RIPOR3: variants seen among roughly 807,000 people sequenced by gnomAD.
RIPOR3 encodes family with sequence similarity 65 member C.
A neutral mutation model predicts 114.3 loss-of-function variants in RIPOR3; 95 were observed. That is an observed-to-expected ratio of 0.83 (90% CI 0.70 to 0.99). The LOEUF is 0.99. Among genes scored for constraint, RIPOR3 ranks in the 50% least tolerant of loss-of-function variants. The probability of loss-of-function intolerance (pLI) is 0.00; values close to 1 mark genes in which losing one functional copy is unlikely to be tolerated. For missense variants in RIPOR3, 1,252 were observed against 1,266.9 expected (o/e 0.99, Z 0.18); for synonymous variants, 575 against 543.8 (o/e 1.06, Z -0.80).
At chr20:50,654,789 A>T (rs926426558) in intron 1 of RIPOR3, among the ~76,000 whole-genome samples, 11 of 152,014 alleles carry the variant, frequency 7.2e-5, no homozygotes, top group African/African-American at 2.7e-4. Flanking sequence ...TCTTTTGCCT[A>T]GGCTGGTGTA....
chr20:50,606,976 C>T (rs2083746251), intron 11 of RIPOR3, among the ~76,000 whole-genome samples: 1 of 152,156 alleles, frequency 6.6e-6, no homozygotes, highest in African/African-American at 2.4e-5. Flanking sequence ...GTGATCTGCC[C>T]ACCTACGCCT....
intron 1 of RIPOR3, among the ~76,000 whole-genome samples, chr20:50,647,090 C>T (rs567587126): frequency 7.6e-4 from 115 of 152,208 alleles, no homozygotes; most frequent in African/African-American, 2.5e-3. Context: ...GAGGCCGAGG[C>T]GGACGGATCA....
At position 50,592,398 on chromosome 20, in the gene RIPOR3, C is replaced by A. The variant is rs746163820; in HGVS notation, c.2523G>T (p.Arg841Ser). The A allele has an allele frequency of 1.9e-6, 3 of 1,609,430 alleles. No individual in the cohort carries two copies. Among genetic ancestry groups the A allele is most frequent in the Non-Finnish European group, 2.5e-6 (3 of 1,176,978 alleles). The change falls in exon 19 of 22, where the codon AGG becomes AGT. Residue 841 changes from arginine to serine, a missense_variant. Transcript: ENST00000327979. The stretch of plus-strand genomic sequence containing the variant: ...CACCAGCCAGGCGAGCGCTGGCCGC[C>A]CTGCACACCCTCGGAGTGCCGTCCA... ...LQLDGTPRVC[R>S]AASARLAGAV...
chr20:50,597,988 G>A (rs556710380), intron 13 of RIPOR3, among the ~76,000 whole-genome samples: 1 of 152,338 alleles, frequency 6.6e-6, no homozygotes, highest in East Asian at 1.9e-4. Context: ...CACCCACGGG[G>A]ACAAGGCCAA....
chr20:50,609,404 C>T (rs375915151), intron 7 of RIPOR3, 48 bp from the exon 8 acceptor site: 19 of 1,598,960 alleles, frequency 1.2e-5, no homozygotes, highest in African/African-American at 5.4e-5. Context: ...GGCTAGGCCA[C>T]GAGGGCCTCT....
intron 1 of RIPOR3, among the ~76,000 whole-genome samples, chr20:50,676,964 C>T (rs1263519415): frequency 6.6e-6 from 1 of 152,172 alleles, no homozygotes; most frequent in Non-Finnish European, 1.5e-5. Flanking sequence ...CTGCGTGCAC[C>T]GCATTGTGCC....
At chr20:50,639,229 G>A (rs372755139) in intron 1 of RIPOR3, among the ~76,000 whole-genome samples, 124 of 151,272 alleles carry the variant, frequency 8.2e-4, no homozygotes, top group African/African-American at 2.7e-3. Flanking sequence ...GTGACAGAGC[G>A]AGACTCCAAC....
intron 11 of RIPOR3, among the ~76,000 whole-genome samples, chr20:50,606,811 C>G (rs2123034102): frequency 6.6e-6 from 1 of 152,118 alleles, no homozygotes; most frequent in East Asian, 1.9e-4. Flanking sequence ...CTCACTGCAG[C>G]CTCCGCCTCC....
chr20:50,606,856 A>G (rs1477747216), intron 11 of RIPOR3, among the ~76,000 whole-genome samples: 1 of 151,886 alleles, frequency 6.6e-6, no homozygotes, highest in Non-Finnish European at 1.5e-5. Flanking sequence ...CAGCCTCCCA[A>G]GTAGCTGAAA....
chr20:50,598,534 A>G (rs953123981), intron 13 of RIPOR3, among the ~76,000 whole-genome samples: 12 of 152,216 alleles, frequency 7.9e-5, no homozygotes, highest in African/African-American at 2.9e-4. Flanking sequence ...GACGAAGGGA[A>G]TAACAAGGCT....
intron 20 of RIPOR3, among the ~76,000 whole-genome samples, chr20:50,589,161 G>A (rs924088349): frequency 4.1e-5 from 6 of 146,868 alleles, no homozygotes; most frequent in Non-Finnish European, 8.9e-5. Flanking sequence ...TTTGTTGACT[G>A]TTTTTAAACT....
intron 1 of RIPOR3, among the ~76,000 whole-genome samples, chr20:50,683,126 C>T (rs567177997): frequency 1.2e-4 from 19 of 152,248 alleles, no homozygotes; most frequent in East Asian, 5.8e-4. Context: ...TGCGTAATGC[C>T]GCTGAATTGT....
intron 1 of RIPOR3, among the ~76,000 whole-genome samples, chr20:50,655,256 T>C (rs1436646428): frequency 1.3e-5 from 2 of 152,170 alleles, no homozygotes; most frequent in African/African-American, 4.8e-5. Flanking sequence ...CCAGTTTAGA[T>C]TAAATAGTGG....
chr20:50,638,034 G>A (rs532665567), intron 1 of RIPOR3, among the ~76,000 whole-genome samples: 1 of 151,998 alleles, frequency 6.6e-6, no homozygotes, highest in East Asian at 1.9e-4. Context: ...TTTTTAAAGA[G>A]CATATTTAAA....
intron 4 of RIPOR3, among the ~76,000 whole-genome samples, chr20:50,615,023 C>T (rs2084112266): frequency 6.6e-6 from 1 of 152,066 alleles, no homozygotes. Context: ...CACCATTGCA[C>T]TCCAGCCTGG....
intron 1 of RIPOR3, among the ~76,000 whole-genome samples, chr20:50,685,396 T>C (rs1007457795): frequency 6.6e-6 from 1 of 151,658 alleles, no homozygotes; most frequent in Non-Finnish European, 1.5e-5. Context: ...TTTGTATTTT[T>C]AGTAGAGACG....
chr20:50,655,588 C>T (rs1331174621), intron 1 of RIPOR3, among the ~76,000 whole-genome samples: 3 of 152,046 alleles, frequency 2.0e-5, no homozygotes, highest in South Asian at 2.1e-4. Flanking sequence ...TGGAAAGCTG[C>T]GCCTGTAACA....
intron 1 of RIPOR3, among the ~76,000 whole-genome samples, chr20:50,641,083 G>C (rs2085175059): frequency 6.6e-6 from 1 of 151,124 alleles, no homozygotes; most frequent in East Asian, 2.0e-4. Flanking sequence ...GTAATTTTTT[G>C]TATTTTTAGT....
intron 2 of RIPOR3, among the ~76,000 whole-genome samples, chr20:50,623,914 G>T (rs2084520103): frequency 6.6e-6 from 1 of 152,212 alleles, no homozygotes; most frequent in African/African-American, 2.4e-5. Context: ...TCTGCTCACT[G>T]CAACCTCCGC....
Sources: allele counts gnomAD v4.1 joint callset (sites outside exome capture counted in the v4.1 genomes callset), GRCh38; gene constraint gnomAD v4.1.1; transcripts MANE v1.5; gene names NCBI Gene and HGNC (gene_info 2026-07-23, HGNC 2026-07-21).